Variants in PAH observed in about 807,000 individuals in gnomAD.
The protein encoded by PAH is phenylalanine hydroxylase.
In PAH, 64 loss-of-function variants were observed where a neutral mutation model predicts 62.0. The observed-to-expected ratio is 1.03, with a 90% CI of 0.84 to 1.27. PAH has a LOEUF of 1.27. PAH is among the 50% of genes most tolerant of loss of function. The pLI is 0.00. For missense variants in PAH, 579 were observed against 542.8 expected (o/e 1.07, Z -0.66); for synonymous variants, 195 against 196.2 (o/e 0.99, Z 0.05).
In PAH at chr12:102,855,274, C is replaced by T. The variant is rs281865441; in HGVS notation, c.568G>A (p.Val190Met). The change falls in exon 6 of 13, where the codon GTG (valine) becomes ATG (methionine). Residue 190 changes from valine to methionine, a missense_variant. Transcript: ENST00000553106. ...MEEEKKTWGT[V>M]FKTLKSLYKT... ...TACAAGGACTTCAGAGTCTTGAACA[C>T]TGTGCCCCATGTTTTCTTTTCTTCC... 1 of 1,614,124 alleles carries T rather than the reference C, an allele frequency of 6.2e-7. No homozygotes were observed. The highest frequency in any genetic ancestry group is 8.5e-7 in the Non-Finnish European group (1 of 1,179,960).
intron 3 of PAH, among the ~76,000 whole-genome samples, chr12:102,878,668 AAGG>A (rs1487579421): frequency 6.6e-6 from 1 of 151,696 alleles, no homozygotes; most frequent in African/African-American, 2.4e-5. Flanking sequence ...AAAGGAAAGA[AAGG>A]AGGGAGAAAA....
intron 2 of PAH, among the ~76,000 whole-genome samples, chr12:102,908,929 T>C (rs958164126): frequency 6.7e-6 from 1 of 150,362 alleles, no homozygotes; most frequent in East Asian, 2.0e-4. Context: ...GCAACCTCTG[T>C]CTCCCTGGTT....
At chr12:102,936,597 T>A (rs1029675612) in intron 1 of PAH, among the ~76,000 whole-genome samples, 1 of 152,230 alleles carries the variant, frequency 6.6e-6, no homozygotes, top group Non-Finnish European at 1.5e-5. Flanking sequence ...AATTATTATA[T>A]TGTCTTGATG....
intron 1 of PAH, among the ~76,000 whole-genome samples, chr12:102,929,118 T>A (rs901158219): frequency 3.3e-5 from 5 of 152,144 alleles, no homozygotes; most frequent in Non-Finnish European, 7.4e-5. Context: ...TTGCTTCCCC[T>A]TCCACCATGA....
chr12:102,950,832 G>C (rs1418285965), exon 1 of PAH: 1 of 152,152 alleles, frequency 6.6e-6, no homozygotes, highest in Non-Finnish European at 1.5e-5. Flanking sequence ...GCTGAGACTC[G>C]CCAGGACGCA....
At chr12:102,933,436 G>A (rs1431652089) in intron 1 of PAH, among the ~76,000 whole-genome samples, 2 of 152,100 alleles carry the variant, frequency 1.3e-5, no homozygotes, top group South Asian at 4.1e-4. Flanking sequence ...CAATAAACAT[G>A]GGCATGCAGA....
Position 102,856,640 on chromosome 12 carries a change from A to G in PAH, c.510-1308T>C, listed in dbSNP as rs549102693. 5.3e-5 allele frequency among the ~76,000 whole-genome samples: 8 copies of G among 152,340 alleles called. No homozygotes were observed. The South Asian group carries it at 1.7e-3, about 32-fold the overall frequency. On this transcript the variant is annotated intron_variant, in intron 5 of 12. Coordinates refer to ENST00000553106, the MANE Select transcript of PAH (RefSeq NM_000277.3). The stretch of plus-strand genomic sequence containing the variant: ...GGTACCCCTCTGAGACAAAGCTTCC[A>G]GAGGAATGATCAGGCAGCAACATTT...
chr12:102,881,215 T>C (rs1012061914), intron 3 of PAH, among the ~76,000 whole-genome samples: 2 of 151,354 alleles, frequency 1.3e-5, no homozygotes, highest in African/African-American at 4.8e-5. Flanking sequence ...GATTTCGCCA[T>C]GTTGGCCAGG....
At chr12:102,923,682 T>G (rs1315819412) in intron 1 of PAH, 2 of 152,212 alleles carry the variant, frequency 1.3e-5, no homozygotes, top group Non-Finnish European at 2.9e-5. Context: ...TAATTTCTAT[T>G]GTTATTTCTG....
chr12:102,883,109 C>A (rs986761605), intron 3 of PAH, among the ~76,000 whole-genome samples: 2 of 152,120 alleles, frequency 1.3e-5, no homozygotes, highest in Non-Finnish European at 2.9e-5. Context: ...TTAGATTTAT[C>A]GGCGCAGCAA....
At chr12:102,913,551 G>C (rs1878280405) in intron 1 of PAH, among the ~76,000 whole-genome samples, 1 of 151,952 alleles carries the variant, frequency 6.6e-6, no homozygotes, top group Admixed American at 6.6e-5. Context: ...GATGAAAAAA[G>C]GAAAAGAATA....
At chr12:102,942,577 T>A (rs7314605) in intron 1 of PAH, among the ~76,000 whole-genome samples, 4,801 of 152,074 alleles carry the variant, frequency 0.032, 258 homozygotes, top group African/African-American at 0.11. Flanking sequence ...CTAAAATTCA[T>A]ATGAAACCAA....
chr12:102,942,014 G>A (rs922758202), intron 1 of PAH, among the ~76,000 whole-genome samples: 1 of 152,092 alleles, frequency 6.6e-6, no homozygotes, highest in African/African-American at 2.4e-5. Flanking sequence ...ACTGGAACAA[G>A]ACAAGGATGC....
chr12:102,840,571 TA>T (rs1874552930), intron 11 of PAH, 56 bp from the exon 12 acceptor site: 2 of 1,210,842 alleles, frequency 1.7e-6, no homozygotes, highest in African/African-American at 3.0e-5. Flanking sequence ...AAGGTAGTCT[TA>T]AGAGAGTTCT....
At position 102,900,505 on chromosome 12, in the gene PAH, G is replaced by A. The variant is rs776927060; in HGVS notation, c.169-5587C>T. Among the ~76,000 whole-genome samples, 17 of 152,198 alleles carry A rather than the reference G, an allele frequency of 1.1e-4. No individual in the cohort carries two copies. The South Asian group carries it at 1.5e-3, about 13-fold the overall frequency. On this transcript the variant is annotated intron_variant, in intron 2 of 12. Transcript: ENST00000553106. Reference sequence around the variant, plus strand: ...CTGACAAATGGGGGGTGGGGTGTGGGAGTTATGTAACTGCTACTTACTTGG... The same window carrying A: ...CTGACAAATGGGGGGTGGGGTGTGGAAGTTATGTAACTGCTACTTACTTGG...
intron 3 of PAH, among the ~76,000 whole-genome samples, chr12:102,889,665 C>G (rs891009800): frequency 6.6e-6 from 1 of 152,154 alleles, no homozygotes; most frequent in Non-Finnish European, 1.5e-5. Flanking sequence ...CTTATAATCA[C>G]CATAGATTAA....
chr12:102,867,300 T>A (rs1876022887), intron 4 of PAH, among the ~76,000 whole-genome samples: 1 of 152,152 alleles, frequency 6.6e-6, no homozygotes, highest in Non-Finnish European at 1.5e-5. Context: ...TGTCAGCCTT[T>A]ACAATCTGGC....
At chr12:102,947,649 A>C (rs1423180899) in intron 1 of PAH, among the ~76,000 whole-genome samples, 2 of 152,238 alleles carry the variant, frequency 1.3e-5, no homozygotes, top group African/African-American at 4.8e-5. Context: ...GAGATGAGTG[A>C]TCAGCAGGGC....
chr12:102,953,480 T>TA (rs1292483155), upstream of PAH: 1 of 152,164 alleles, frequency 6.6e-6, no homozygotes, highest in East Asian at 1.9e-4. Flanking sequence ...GCAAAGGTGG[T>TA]ACTGGCCTGG....
Sources: gnomAD v4.1 joint callset for allele counts (sites outside exome capture counted in the v4.1 genomes callset) on GRCh38, gnomAD v4.1.1 for gene constraint, MANE v1.5 for transcripts, NCBI Gene and HGNC (gene_info 2026-07-23, HGNC 2026-07-21) for gene names.